Variants in PLXNA1 observed in about 807,000 individuals in gnomAD.
PLXNA1 encodes plexin-A1.
PLXNA1 carries 77 observed loss-of-function variants against 191.7 expected under a neutral mutation model. That is an observed-to-expected ratio of 0.40 (90% CI 0.33 to 0.49). PLXNA1 has a LOEUF of 0.49. PLXNA1 is among the 20% of genes least tolerant of loss of function. The pLI is 0.63. For synonymous variants in PLXNA1, 1,137 were observed against 1,156.4 expected, an observed-to-expected ratio of 0.98 and a Z score of 0.34; for missense variants, 2,110 against 2,660.2, an observed-to-expected ratio of 0.79 and a Z score of 4.55.
At chr3:126,996,900 C>T (rs984309860) in intron 3 of PLXNA1, among the ~76,000 whole-genome samples, 1 of 152,220 alleles carries the variant, frequency 6.6e-6, no homozygotes, top group African/African-American at 2.4e-5. Context: ...CAGCCTGTGA[C>T]AGACGCCACA....
At chr3:127,005,269 C>A in intron 7 of PLXNA1, 26 bp downstream of exon 7, 1 of 1,586,716 alleles carries the variant, frequency 6.3e-7, no homozygotes, top group Admixed American at 1.8e-5. Flanking sequence ...ACAATGGTGC[C>A]CGCTGCCTGG....
At chr3:127,014,985 C>T (rs2079115643) in intron 14 of PLXNA1, among the ~76,000 whole-genome samples, 154 bp downstream of exon 14, 1 of 152,082 alleles carries the variant, frequency 6.6e-6, no homozygotes, top group Non-Finnish European at 1.5e-5. Flanking sequence ...TGTGCCTAGG[C>T]CAGCTCCAGG....
chr3:127,007,655 A>G lies in PLXNA1; in HGVS notation c.1998-144A>G. Reference sequence around the variant, plus strand: ...AGCCACATTCAGGTTTGGGGGAAGAACTTTCCAGGCCAGGAGCAGTCAGTG... The same window carrying G: ...AGCCACATTCAGGTTTGGGGGAAGAGCTTTCCAGGCCAGGAGCAGTCAGTG... On this transcript the variant is annotated intron_variant, in intron 8 of 31. Coordinates refer to ENST00000393409, the MANE Select transcript of PLXNA1 (RefSeq NM_032242.4). 7.4e-6 allele frequency: 4 copies of G among 542,446 alleles called. No homozygotes were observed. In the South Asian group the frequency reaches 1.1e-4, roughly 14 times the overall value. 33.6% of individuals were successfully genotyped at this position (542,446 alleles called of 1,614,324 possible).
chr3:126,984,304 C>G (rs1011500271), intron 1 of PLXNA1, among the ~76,000 whole-genome samples: 1 of 152,164 alleles, frequency 6.6e-6, no homozygotes, highest in African/African-American at 2.4e-5. Context: ...GTGTGTGTGC[C>G]GGGGAGGGGA....
At position 127,003,482 on chromosome 3, in the gene PLXNA1, A is replaced by G. The variant is rs1272754037; in HGVS notation, c.1518+12A>G. 2 of 1,592,128 alleles carry G rather than the reference A, an allele frequency of 1.3e-6. No individual in the cohort carries two copies. Among genetic ancestry groups the G allele is most frequent in the African/African-American group, 1.3e-5 (1 of 74,492 alleles). On this transcript the variant is annotated intron_variant, in intron 4 of 31. Coordinates refer to ENST00000393409, the MANE Select transcript of PLXNA1 (RefSeq NM_032242.4). ...TGACCGAGAAGCAGGTGGGTGCTGC[A>G]CCAGTCAGACGGTGTGGCTGAAGGT...
intron 9 of PLXNA1, among the ~76,000 whole-genome samples, chr3:127,008,296 C>A (rs2079078558): frequency 1.3e-5 from 2 of 152,144 alleles, no homozygotes; most frequent in East Asian, 3.9e-4. Context: ...CGGGCAGAGC[C>A]TGGAGTGCGG....
intron 4 of PLXNA1, among the ~76,000 whole-genome samples, chr3:127,003,689 C>G (rs1172294753): frequency 6.6e-6 from 1 of 152,234 alleles, no homozygotes; most frequent in Non-Finnish European, 1.5e-5. Flanking sequence ...GGCCCCACAG[C>G]CTCATTGCTG....
At position 126,989,271 on chromosome 3, in the gene PLXNA1, A is replaced by C. The variant is rs747397558; in HGVS notation, c.678A>C (p.Ser226=). 1.4e-5 allele frequency: 22 copies of C among 1,613,562 alleles called. No individual in the cohort carries two copies. Among genetic ancestry groups the C allele is most frequent in the Admixed American group, 3.3e-5 (2 of 60,018 alleles). The change falls in exon 2 of 32, where the codon TCA becomes TCC. Residue 226 remains serine (S), a synonymous_variant. Coordinates refer to ENST00000393409, the MANE Select transcript of PLXNA1 (RefSeq NM_032242.4). ...TCGTGTACCAGGATGAGTTTGTGTC[A>C]TCACAGCTCAAGATCCCTTCGGACA... ...FGFVYQDEFV[S]SQLKIPSDTL...
In PLXNA1 at chr3:127,007,923, G is replaced by A. The variant is rs759933501; in HGVS notation, c.2112+10G>A. On this transcript the variant is annotated intron_variant, in intron 9 of 31. Transcript: ENST00000393409. The stretch of plus-strand genomic sequence containing the variant: ...TGTCAACGTGTCTGAGGTAAGGCCG[G>A]GCAAGGGTGAGGGTCAGGTTTTCAG... 7.5e-6 allele frequency: 12 copies of A among 1,592,750 alleles called. No homozygotes were observed. The highest frequency in any genetic ancestry group is 3.3e-5 in the South Asian group (3 of 89,664).
At chr3:127,007,483 C>T (rs1004161069) in intron 8 of PLXNA1, among the ~76,000 whole-genome samples, 1 of 152,182 alleles carries the variant, frequency 6.6e-6, no homozygotes, top group Admixed American at 6.5e-5. Flanking sequence ...GTACCCATGC[C>T]TGGCTGGCAG....
At chr3:126,985,610 G>T (rs2078954770) in intron 1 of PLXNA1, among the ~76,000 whole-genome samples, 1 of 152,094 alleles carries the variant, frequency 6.6e-6, no homozygotes, top group South Asian at 2.1e-4. Context: ...GTAGAGTGCA[G>T]CATCTGCCCA....
intron 3 of PLXNA1, among the ~76,000 whole-genome samples, chr3:127,001,493 G>A (rs781148636): frequency 2.6e-5 from 4 of 152,194 alleles, no homozygotes; most frequent in Non-Finnish European, 5.9e-5. Flanking sequence ...AGCTGGGGCT[G>A]GGCTTCACAG....
intron 16 of PLXNA1, 21 bp from the exon 17 acceptor site, chr3:127,016,923 C>G (rs771756446): frequency 6.2e-7 from 1 of 1,601,192 alleles, no homozygotes; most frequent in South Asian, 1.1e-5. Context: ...TGGTGACCCC[C>G]CCACCCCTGT....
At chr3:127,010,043 G>A (rs2079088182) in intron 9 of PLXNA1, among the ~76,000 whole-genome samples, 1 of 152,242 alleles carries the variant, frequency 6.6e-6, no homozygotes, top group East Asian at 1.9e-4. Flanking sequence ...CTCCTTGCTT[G>A]AAGGAGAGGC....
intron 23 of PLXNA1, among the ~76,000 whole-genome samples, chr3:127,023,373 A>G (rs2079161434): frequency 6.6e-6 from 1 of 152,208 alleles, no homozygotes; most frequent in African/African-American, 2.4e-5. Context: ...TGCTGTCTGC[A>G]CTTTCGATGT....
At chr3:126,987,862 C>T (rs2078967487) in intron 1 of PLXNA1, among the ~76,000 whole-genome samples, 1 of 149,230 alleles carries the variant, frequency 6.7e-6, no homozygotes. Flanking sequence ...CAGCATGGGG[C>T]TTGGGGTCCC....
intron 3 of PLXNA1, among the ~76,000 whole-genome samples, chr3:126,996,536 T>A (rs941391169): frequency 6.6e-6 from 1 of 152,140 alleles, no homozygotes; most frequent in African/African-American, 2.4e-5. Context: ...AGCCTCCCTG[T>A]CCAGGGTCTG....
At chr3:127,015,817 G>C (rs779419744) in intron 15 of PLXNA1, among the ~76,000 whole-genome samples, 31 of 151,988 alleles carry the variant, frequency 2.0e-4, no homozygotes, top group Non-Finnish European at 3.1e-4. Context: ...AAGAACTGAG[G>C]GTCCGGACCC....
chr3:126,987,876 G>T (rs1353761005), intron 1 of PLXNA1, among the ~76,000 whole-genome samples: 1 of 152,140 alleles, frequency 6.6e-6, no homozygotes, highest in Non-Finnish European at 1.5e-5. Flanking sequence ...GGGTCCCACC[G>T]AGAGCAGCCC....
Sources: gnomAD v4.1 joint callset for allele counts (sites outside exome capture counted in the v4.1 genomes callset) on GRCh38, gnomAD v4.1.1 for gene constraint, MANE v1.5 for transcripts, NCBI Gene and HGNC (gene_info 2026-07-23, HGNC 2026-07-21) for gene names.